The following NSD2 variants were observed in gnomAD, a reference collection of about 807,000 sequenced individuals.
NSD2 encodes nuclear receptor binding SET domain protein 2, also known as histone-lysine N-methyltransferase NSD2.
In NSD2, 12 loss-of-function variants were observed where a neutral mutation model predicts 139.0. The observed-to-expected ratio is 0.09, with a 90% CI of 0.06 to 0.14. The LOEUF (loss-of-function observed/expected upper bound fraction) is 0.14, where lower values mean the gene tolerates loss of function less well. Ranked by LOEUF, NSD2 falls within the 10% of genes least tolerant of loss-of-function variation. The pLI is 1.00. For synonymous variants in NSD2, 669 were observed against 648.7 expected, an observed-to-expected ratio of 1.03 and a Z score of -0.48; for missense variants, 1,155 against 1,745.0, an observed-to-expected ratio of 0.66 and a Z score of 6.02.
intron 2 of NSD2, among the ~76,000 whole-genome samples, chr4:1,903,377 C>G (rs1390276746): frequency 3.3e-5 from 5 of 152,120 alleles, no homozygotes; most frequent in African/African-American, 1.2e-4. Context: ...CCATTATGTT[C>G]TAGAGATGGA....
At chr4:1,918,793 G>A in intron 5 of NSD2, 170 bp downstream of exon 5, 1 of 931,854 alleles carries the variant, frequency 1.1e-6, no homozygotes, top group Non-Finnish European at 1.5e-6. Context: ...ACCCTTGAGG[G>A]AAAAGATACT....
At position 1,900,818 on chromosome 4, in the gene NSD2, G is replaced by A; in HGVS notation, c.164G>A (p.Ser55Asn). 2 of 1,614,110 alleles carry A rather than the reference G, an allele frequency of 1.2e-6. No individual in the cohort carries two copies. Among genetic ancestry groups the A allele is most frequent in the Non-Finnish European group, 1.7e-6 (2 of 1,180,002 alleles). ...TTCCTCAGCAAAGCCCAGCTCTCCA[G>A]TAGCCTGCAGGAGGGGGTCATGCAG... ...SVFLSKAQLS[S>N]SLQEGVMQKF... is the part of the protein sequence containing the mutation. The change falls in exon 2 of 22, where the codon AGT (serine) becomes AAT (asparagine). Residue 55 changes from serine to asparagine, a missense_variant. By Grantham distance (46) the Ser-to-Asn change is conservative. Around this residue, in one of 8 missense-constraint regions of NSD2, gnomAD observed 246 missense variants for 262.8 expected, o/e 0.94. Transcript: ENST00000508803.
At position 1,942,845 on chromosome 4, in the gene NSD2, T is replaced by C. The variant is rs1577505059; in HGVS notation, c.1881+3067T>C. ...TAGGAGGAGTCCTCATCAGCTGTTC[T>C]CATTGCCAGTGAGATATATTCAGTA... On this transcript the variant is annotated intron_variant, in intron 9 of 21. Transcript: ENST00000508803. The surrounding 1 kb of genome is among the most constrained non-coding windows in gnomAD (Gnocchi z 4.0). The C allele has an allele frequency of 1.9e-6, 2 of 1,066,370 alleles. No homozygotes were observed. Among genetic ancestry groups the C allele is most frequent in the East Asian group, 5.1e-5 (1 of 19,720 alleles). 66.1% of individuals were successfully genotyped at this position (1,066,370 alleles called of 1,614,324 possible).
chr4:1,929,453 C>T (rs1377238460), intron 5 of NSD2, among the ~76,000 whole-genome samples: 3 of 152,120 alleles, frequency 2.0e-5, no homozygotes, highest in African/African-American at 4.8e-5. Context: ...CCGAAGTCCA[C>T]AGAACTACCC....
At chr4:1,929,070 T>G (rs1721309192) in intron 5 of NSD2, among the ~76,000 whole-genome samples, 1 of 151,490 alleles carries the variant, frequency 6.6e-6, no homozygotes, top group African/African-American at 2.4e-5. Context: ...AGGTGGGAGG[T>G]CCCAGGCAGT....
chr4:1,979,205 ATTT>A lies in NSD2; in HGVS notation c.*301_*303del, dbSNP rs995558193. 1.1e-5 allele frequency: 4 copies of A among 349,060 alleles called. No homozygotes were observed. The highest frequency in any genetic ancestry group is 6.3e-5 in the African/African-American group (3 of 47,862). 21.6% of individuals were successfully genotyped at this position (349,060 alleles called of 1,614,324 possible). A position where few individuals can be genotyped will look rare whatever the true frequency, so the allele number is the denominator to read the frequency against. ...GAATGTCAAGGTTCCCTCCCACTCT[ATTT>A]TTTTAGGTTAAAGTTAATTGGCATA... On this transcript the variant is annotated 3_prime_UTR_variant, in exon 22 of 22. Transcript: ENST00000508803.
At chr4:1,884,077 T>A (rs1342842786) in intron 1 of NSD2, among the ~76,000 whole-genome samples, 1 of 152,182 alleles carries the variant, frequency 6.6e-6, no homozygotes, top group Non-Finnish European at 1.5e-5. Context: ...GTTGCAGATA[T>A]AAAAATTAGA....
chr4:1,976,794 C>A lies in NSD2; in HGVS notation c.3826+115C>A. The A allele has an allele frequency of 8.8e-7, 1 of 1,136,612 alleles. No homozygotes were observed. Among genetic ancestry groups the A allele is most frequent in the Non-Finnish European group, 1.2e-6 (1 of 819,542 alleles). The allele number at this position is 1,136,612 out of a possible 1,614,324, so 70.4% of individuals were successfully genotyped here. ...CTCATCTGGGTGCAGGCACATCAGG[C>A]GCTCATGCAGCGAAGGCCCTGATCC... On this transcript the variant is annotated intron_variant, in intron 21 of 21. Transcript: ENST00000508803. The surrounding 1 kb of genome is among the most constrained non-coding windows in gnomAD (Gnocchi z 5.3).
In NSD2 at chr4:1,980,252, A is replaced by G. The variant is rs1371976645; in HGVS notation, c.*1343A>G. ...TGAGACCTATCTATCTGAGTACTAC[A>G]TATGTTTTAAGACTTGGTTCTTTTT... On this transcript the variant is annotated 3_prime_UTR_variant, in exon 22 of 22. Coordinates refer to ENST00000508803, the MANE Select transcript of NSD2 (RefSeq NM_001042424.3). 1.7e-5 allele frequency: 4 copies of G among 233,130 alleles called. No homozygotes were observed. Among genetic ancestry groups the G allele is most frequent in the Admixed American group, 1.1e-4 (2 of 17,784 alleles). The allele number at this position is 233,130 out of a possible 1,614,324, so 14.4% of individuals were successfully genotyped here.
chr4:1,952,831 C>T (rs1055152708), intron 11 of NSD2: 19 of 1,221,082 alleles, frequency 1.6e-5, no homozygotes, highest in South Asian at 2.6e-5. Flanking sequence ...GCCTACTCAC[C>T]GGGCCCAAGG....
chr4:1,977,862 A>T lies in NSD2; in HGVS notation c.3827-776A>T, dbSNP rs566454589. Among the ~76,000 whole-genome samples the T allele has an allele frequency of 3.3e-5, 5 of 151,808 alleles. 1 individual carries two copies. The South Asian group carries it at 1.0e-3, about 31-fold the overall frequency. On this transcript the variant is annotated intron_variant, in intron 21 of 21. Transcript: ENST00000508803. ...AAATCCAGGCCAGGCACGGTGGCTC[A>T]TGCCTCTAATCCCAGCACTTCTGAG...
intron 9 of NSD2, among the ~76,000 whole-genome samples, chr4:1,949,766 G>GAA (rs74623987): frequency 5.7e-5 from 6 of 105,814 alleles, no homozygotes; most frequent in South Asian, 3.1e-4. Flanking sequence ...TCTGTCTCGA[G>GAA]AAAAAAAAAA....
intron 1 of NSD2, among the ~76,000 whole-genome samples, chr4:1,878,859 G>T (rs1441195346): frequency 6.6e-6 from 1 of 152,164 alleles, no homozygotes; most frequent in Non-Finnish European, 1.5e-5. Flanking sequence ...TGGACAGGTG[G>T]GAGAGAATGA....
Position 1,981,303 on chromosome 4 carries a change from C to A in NSD2, c.*2394C>A. The A allele has an allele frequency of 4.3e-6, 1 of 233,410 alleles. No homozygotes were observed. The highest frequency in any genetic ancestry group is 8.5e-6 in the Non-Finnish European group (1 of 118,116). The allele number at this position is 233,410 out of a possible 1,614,324, so 14.5% of individuals were successfully genotyped here. A position where few individuals can be genotyped will look rare whatever the true frequency, so the allele number is the denominator to read the frequency against. Reference sequence around the variant, plus strand: ...GGAGCCAGGCTTTGGGGTAGCGGCCCTGAGCTTGCAGGGTTTCTCGCCACT... The same window carrying A: ...GGAGCCAGGCTTTGGGGTAGCGGCCATGAGCTTGCAGGGTTTCTCGCCACT... On this transcript the variant is annotated 3_prime_UTR_variant, in exon 22 of 22. Coordinates refer to ENST00000508803, the MANE Select transcript of NSD2 (RefSeq NM_001042424.3).
intron 9 of NSD2, among the ~76,000 whole-genome samples, chr4:1,949,123 G>T (rs932446994): frequency 2.0e-5 from 3 of 152,194 alleles, no homozygotes; most frequent in Non-Finnish European, 2.9e-5. Context: ...AAGTGCTCAG[G>T]TCTCCACTGC....
Position 1,981,806 on chromosome 4 carries a change from C to T in NSD2, c.*2897C>T, listed in dbSNP as rs954940355. On this transcript the variant is annotated 3_prime_UTR_variant, in exon 22 of 22. Coordinates refer to ENST00000508803, the MANE Select transcript of NSD2 (RefSeq NM_001042424.3). ...AATTCAAGTTAATGCAAATGACTGT[C>T]AGTTGCCAAATATCTTGATCCTATG... 7 of 398,474 alleles carry T rather than the reference C, an allele frequency of 1.8e-5. No individual in the cohort carries two copies. The highest frequency in any genetic ancestry group is 6.2e-5 in the African/African-American group (3 of 48,614). The allele number at this position is 398,474 out of a possible 1,614,324, so 24.7% of individuals were successfully genotyped here.
chr4:1,904,333 A>C lies in NSD2; in HGVS notation c.715A>C (p.Met239Leu). 1.2e-6 allele frequency: 2 copies of C among 1,614,088 alleles called. No individual in the cohort carries two copies. Among genetic ancestry groups the C allele is most frequent in the Non-Finnish European group, 1.7e-6 (2 of 1,179,988 alleles). ...GTCGGGTTACCCTTGGTGGCCTTGCATGGTTTCTGCAGATCCACTCCTTCA... is the reference window on the plus strand; with the variant it reads ...GTCGGGTTACCCTTGGTGGCCTTGCCTGGTTTCTGCAGATCCACTCCTTCA... Reference protein sequence around the residue: ...KVSGYPWWPCMVSADPLLHSY... With the variant: ...KVSGYPWWPCLVSADPLLHSY... Residue 239 changes from methionine (M) to leucine (L), a missense_variant, in exon 3 of 22, where the codon ATG (methionine) becomes CTG (leucine). Coordinates refer to ENST00000508803, the MANE Select transcript of NSD2 (RefSeq NM_001042424.3).
intron 10 of NSD2, among the ~76,000 whole-genome samples, chr4:1,951,406 T>TC: frequency 6.8e-6 from 1 of 147,154 alleles, no homozygotes. Flanking sequence ...CATCCATAAT[T>TC]CACATGTAGG....
At chr4:1,960,910 C>A in intron 17 of NSD2, 125 bp from the exon 18 acceptor site, 1 of 650,374 alleles carries the variant, frequency 1.5e-6, no homozygotes, top group Non-Finnish European at 2.8e-6. Context: ...TGTACACGCC[C>A]TCCACGGAGG....
Sources: gnomAD v4.1 joint callset for allele counts (sites outside exome capture counted in the v4.1 genomes callset) on GRCh38, gnomAD v4.1.1 for gene constraint, gnomAD v4.1.1 regional missense constraint, Gnocchi (gnomAD v3.1) non-coding constraint, MANE v1.5 for transcripts, NCBI Gene and HGNC (gene_info 2026-07-23, HGNC 2026-07-21) for gene names.